Variants in LRRC8B observed in about 807,000 individuals in gnomAD.
The protein encoded by LRRC8B is volume-regulated anion channel subunit LRRC8B.
In LRRC8B, 23 loss-of-function variants were observed where a neutral mutation model predicts 58.8. The observed-to-expected ratio is 0.39, with a 90% CI of 0.28 to 0.55. The LOEUF is 0.55. Ranked by LOEUF, LRRC8B falls within the 20% of genes least tolerant of loss-of-function variation. The probability of loss-of-function intolerance (pLI) is 0.62; values close to 1 mark genes in which losing one functional copy is unlikely to be tolerated. For missense variants in LRRC8B, 694 were observed against 936.0 expected (o/e 0.74, Z 3.37); for synonymous variants, 359 against 374.1 (o/e 0.96, Z 0.47).
rs187316671 is a variant in LRRC8B, at chr1:89,597,066, C to T, written c.*4023C>T. ...GCTAATTACTGTTGCAGAATGCCCTCGATATAATTATTTCTTTTCAGCTGG... is the reference window on the plus strand; with the variant it reads ...GCTAATTACTGTTGCAGAATGCCCTTGATATAATTATTTCTTTTCAGCTGG... On this transcript the variant is annotated 3_prime_UTR_variant, in exon 6 of 6. Coordinates refer to ENST00000330947, the MANE Select transcript of LRRC8B (RefSeq NM_001369817.2). 31 of 152,236 alleles carry T rather than the reference C, an allele frequency of 2.0e-4. No individual in the cohort carries two copies. Among genetic ancestry groups the T allele is most frequent in the Admixed American group, 1.4e-3 (21 of 15,282 alleles). The allele number at this position is 152,236 out of a possible 1,614,324, so 9.4% of individuals were successfully genotyped here. A position where few individuals can be genotyped will look rare whatever the true frequency, so the allele number is the denominator to read the frequency against.
In LRRC8B at chr1:89,584,497, G is replaced by C; in HGVS notation, c.1847G>C (p.Arg616Thr). Reference sequence around the variant, plus strand: ...AATAATTTGCATGAGTTAGACCTAAGGGAAAATAACCTTAAAACTGTGGAA... The same window carrying C: ...AATAATTTGCATGAGTTAGACCTAACGGAAAATAACCTTAAAACTGTGGAA... ...SLNNLHELDL[R>T]ENNLKTVEEI... Residue 616 changes from arginine (R) to threonine (T), a missense_variant, in exon 5 of 6, where the codon AGG becomes ACG. By Grantham distance (71) the Arg-to-Thr change is moderately conservative (BLOSUM62 -1). Transcript: ENST00000330947. 1 of 1,614,178 alleles carries C rather than the reference G, an allele frequency of 6.2e-7. No individual in the cohort carries two copies. The highest frequency in any genetic ancestry group is 8.5e-7 in the Non-Finnish European group (1 of 1,180,030).
intron 3 of LRRC8B, among the ~76,000 whole-genome samples, chr1:89,575,191 A>C (rs944301946): frequency 6.6e-6 from 1 of 152,160 alleles, no homozygotes; most frequent in Non-Finnish European, 1.5e-5. Flanking sequence ...CACTCCTCCT[A>C]TTGAAAGATA....
Position 89,595,976 on chromosome 1 carries a change from A to T in LRRC8B, c.*2933A>T, listed in dbSNP as rs1172648134. The T allele has an allele frequency of 6.6e-6, 1 of 152,160 alleles. No homozygotes were observed. The highest frequency in any genetic ancestry group is 1.5e-5 in the Non-Finnish European group (1 of 67,976). The allele number at this position is 152,160 out of a possible 1,614,324, so 9.4% of individuals were successfully genotyped here. ...ATAGCTTACGGTAGTAATGGCATGG[A>T]TTAATTTTATTTGCATGCACACACA... is the stretch of plus-strand genomic sequence containing the variant. On this transcript the variant is annotated 3_prime_UTR_variant, in exon 6 of 6. Coordinates refer to ENST00000330947, the MANE Select transcript of LRRC8B (RefSeq NM_001369817.2).
chr1:89,557,050 C>T (rs112027827), intron 1 of LRRC8B, among the ~76,000 whole-genome samples: 24 of 152,302 alleles, frequency 1.6e-4, no homozygotes, highest in African/African-American at 5.8e-4. Flanking sequence ...TTCCAAATCC[C>T]CAGTTGACAG....
chr1:89,579,995 G>A (rs1348518338), intron 4 of LRRC8B, among the ~76,000 whole-genome samples: 13 of 152,272 alleles, frequency 8.5e-5, no homozygotes, highest in African/African-American at 3.1e-4. Context: ...TTCTGCTCAG[G>A]ACATAGAGCT....
intron 4 of LRRC8B, among the ~76,000 whole-genome samples, chr1:89,581,531 A>G (rs900449258): frequency 6.6e-6 from 1 of 152,182 alleles, no homozygotes; most frequent in Non-Finnish European, 1.5e-5. Flanking sequence ...CATCTTATAG[A>G]TCATCTGGAT....
intron 5 of LRRC8B, among the ~76,000 whole-genome samples, chr1:89,590,804 C>T (rs1245941729): frequency 6.6e-6 from 1 of 152,218 alleles, no homozygotes; most frequent in Non-Finnish European, 1.5e-5. Context: ...TTTCTTCATA[C>T]CACTCATTAC....
chr1:89,562,671 T>C (rs1652770610), intron 1 of LRRC8B, among the ~76,000 whole-genome samples: 1 of 152,132 alleles, frequency 6.6e-6, no homozygotes, highest in African/African-American at 2.4e-5. Context: ...TGATCTTGCC[T>C]TGTTGCCCAA....
At chr1:89,528,660 G>A (rs1649879754) in intron 1 of LRRC8B, among the ~76,000 whole-genome samples, 1 of 152,168 alleles carries the variant, frequency 6.6e-6, no homozygotes, top group African/African-American at 2.4e-5. Context: ...TTGCAGAGAG[G>A]CATTCTATGG....
In LRRC8B at chr1:89,596,114, T is replaced by G. The variant is rs1226244669; in HGVS notation, c.*3071T>G. 6.6e-6 allele frequency: 1 copy of G among 152,116 alleles called. No individual in the cohort carries two copies. Among genetic ancestry groups the G allele is most frequent in the African/African-American group, 2.4e-5 (1 of 41,436 alleles). The allele number at this position is 152,116 out of a possible 1,614,324, so 9.4% of individuals were successfully genotyped here. On this transcript the variant is annotated 3_prime_UTR_variant, in exon 6 of 6. Coordinates refer to ENST00000330947, the MANE Select transcript of LRRC8B (RefSeq NM_001369817.2). ...TTAAATTAAGTATGATAGCACGTTT[T>G]TTAATTCATTAATCATGAAGTGCTC...
At chr1:89,534,523 A>G (rs1037976219) in intron 1 of LRRC8B, among the ~76,000 whole-genome samples, 23 of 151,974 alleles carry the variant, frequency 1.5e-4, no homozygotes, top group Non-Finnish European at 3.4e-4. Flanking sequence ...ATACACACAC[A>G]CACACACACA....
intron 1 of LRRC8B, among the ~76,000 whole-genome samples, chr1:89,556,467 G>A (rs909486329): frequency 2.0e-5 from 3 of 152,120 alleles, no homozygotes; most frequent in Non-Finnish European, 4.4e-5. Context: ...AAGTCAAACA[G>A]AAGTACAGGC....
chr1:89,532,564 G>A (rs564231170), intron 1 of LRRC8B, among the ~76,000 whole-genome samples: 1 of 152,244 alleles, frequency 6.6e-6, no homozygotes, highest in Admixed American at 6.5e-5. Context: ...GTTATAAGGG[G>A]CTTCCCTCTT....
At chr1:89,570,295 A>G (rs1049660580) in intron 3 of LRRC8B, among the ~76,000 whole-genome samples, 9 of 152,186 alleles carry the variant, frequency 5.9e-5, no homozygotes, top group South Asian at 2.1e-4. Flanking sequence ...AGGTATTGCC[A>G]CATTGTCTTC....
At chr1:89,588,255 T>C (rs1654763332) in intron 5 of LRRC8B, among the ~76,000 whole-genome samples, 1 of 152,206 alleles carries the variant, frequency 6.6e-6, no homozygotes, top group Non-Finnish European at 1.5e-5. Context: ...CATAGGACGG[T>C]AATAGGTGTC....
intron 1 of LRRC8B, among the ~76,000 whole-genome samples, chr1:89,542,916 T>G (rs1384834824): frequency 2.0e-5 from 3 of 152,232 alleles, no homozygotes; most frequent in African/African-American, 7.2e-5. Flanking sequence ...GGGGACCTAT[T>G]AAGGCAAGCT....
chr1:89,584,666 C>T lies in LRRC8B; in HGVS notation c.2016C>T (p.Pro672=). Residue 672 remains proline (P), a synonymous_variant, in exon 5 of 6, where the codon CCC becomes CCT. Coordinates refer to ENST00000330947, the MANE Select transcript of LRRC8B (RefSeq NM_001369817.2). ...ACCATAATAATATTGAGAATCTGCC[C>T]TTGCAGCTTTTCCTATGCACTAAAC... ...SLDHNNIENL[P]LQLFLCTKLH... 6.2e-7 allele frequency: 1 copy of T among 1,613,982 alleles called. No homozygotes were observed. Among genetic ancestry groups the T allele is most frequent in the Non-Finnish European group, 8.5e-7 (1 of 1,179,982 alleles).
intron 1 of LRRC8B, among the ~76,000 whole-genome samples, chr1:89,557,008 C>A (rs1431529617): frequency 6.6e-6 from 1 of 152,194 alleles, no homozygotes; most frequent in Non-Finnish European, 1.5e-5. Context: ...GCACAGTGAG[C>A]CAGAGATTGT....
chr1:89,558,395 C>G (rs1177652218), intron 1 of LRRC8B, among the ~76,000 whole-genome samples: 1 of 152,126 alleles, frequency 6.6e-6, no homozygotes. Flanking sequence ...ATCACTTTGT[C>G]TTTATAATAA....
Sources: allele counts gnomAD v4.1 joint callset (sites outside exome capture counted in the v4.1 genomes callset), GRCh38; gene constraint gnomAD v4.1.1; transcripts MANE v1.5; gene names NCBI Gene and HGNC (gene_info 2026-07-23, HGNC 2026-07-21).